The following OR5M8 variants were observed in gnomAD, a reference collection of about 807,000 sequenced individuals.
OR5M8 encodes the protein olfactory receptor family 5 subfamily M member 8, also known as olfactory receptor 5M8.
For synonymous variants in OR5M8, 163 were observed against 141.5 expected (o/e 1.15, Z -1.08); for missense variants, 445 against 379.3 (o/e 1.17, Z -1.44).
chr11:56,490,556 A>G lies in OR5M8; in HGVS notation c.815T>C (p.Met272Thr). The G allele has an allele frequency of 6.2e-7, 1 of 1,613,092 alleles. No homozygotes were observed. Among genetic ancestry groups the G allele is most frequent in the Non-Finnish European group, 8.5e-7 (1 of 1,179,060 alleles). The change falls in exon 1 of 1, where the codon ATG becomes ACG. Residue 272 changes from methionine (M) to threonine (T), a missense_variant. Transcript: ENST00000327216. ...PSKESVEQGK[M>T]VAVFYTTVIP... is the part of the protein sequence containing the mutation. The stretch of plus-strand genomic sequence containing the variant: ...TACTGTGGTATAAAATACAGCTACC[A>G]TTTTACCCTGTTCAACAGATTCCTT...
Position 56,490,539 on chromosome 11 carries a change from T to C in OR5M8, c.832A>G (p.Thr278Ala). ...AGGTTCAGCATAGGGATTACTGTGG[T>C]ATAAAATACAGCTACCATTTTACCC... ...EQGKMVAVFYTTVIPMLNLII... is the reference protein window; with the variant it reads ...EQGKMVAVFYATVIPMLNLII... The change falls in exon 1 of 1, where the codon ACC (threonine) becomes GCC (alanine). Residue 278 changes from threonine (T) to alanine (A), a missense_variant. Transcript: ENST00000327216. The C allele has an allele frequency of 6.2e-7, 1 of 1,608,348 alleles. No homozygotes were observed. The highest frequency in any genetic ancestry group is 1.3e-5 in the African/African-American group (1 of 74,902).
chr11:56,490,750 A>T lies in OR5M8; in HGVS notation c.621T>A (p.Ser207=). The change falls in exon 1 of 1, where the codon TCT becomes TCA. Residue 207 remains serine (S), a synonymous_variant. Coordinates refer to ENST00000327216, the MANE Select transcript of OR5M8 (RefSeq NM_001005282.1). ...AAATACATATGATGAAGAGAGAAAA[A>T]GAAAGGTTCCAGCCAGCCACAATAA... is the stretch of plus-strand genomic sequence containing the variant. ...SMFIVAGWNL[S]FSLFIICISY... is the part of the protein sequence containing the mutation. The T allele has an allele frequency of 6.2e-7, 1 of 1,614,218 alleles. No homozygotes were observed. Among genetic ancestry groups the T allele is most frequent in the Non-Finnish European group, 8.5e-7 (1 of 1,180,038 alleles).
At position 56,490,934 on chromosome 11, in the gene OR5M8, ACC is replaced by A. The variant is rs1853845547; in HGVS notation, c.435_436del (p.Val146AlafsTer26). On this transcript the variant is annotated frameshift_variant, in exon 1 of 1. Transcript: ENST00000327216. LOFTEE classifies it low-confidence loss of function (END_TRUNC). ...AGTGAGCGCTCCATACACATAAGGC[ACC>A]GTGATGAGGAAGGAGCACACACTCT... The A allele has an allele frequency of 6.2e-7, 1 of 1,613,842 alleles. No homozygotes were observed. Among genetic ancestry groups the A allele is most frequent in the South Asian group, 1.1e-5 (1 of 91,066 alleles).
chr11:56,490,941 T>G lies in OR5M8; in HGVS notation c.430A>C (p.Ile144Leu), dbSNP rs541775897. 6.2e-7 allele frequency: 1 copy of G among 1,613,882 alleles called. No individual in the cohort carries two copies. Among genetic ancestry groups the G allele is most frequent in the South Asian group, 1.1e-5 (1 of 91,054 alleles). The change falls in exon 1 of 1, where the codon ATC becomes CTC. Residue 144 changes from isoleucine to leucine, a missense_variant. By Grantham distance (5) the Ile-to-Leu change is conservative (BLOSUM62 2). Transcript: ENST00000327216. ...GCTCCATACACATAAGGCACCGTGA[T>G]GAGGAAGGAGCACACACTCTTGGAC... ...RMSKSVCSFLITVPYVYGALT... is the reference protein window; with the variant it reads ...RMSKSVCSFLLTVPYVYGALT...
In OR5M8 at chr11:56,491,353, C is replaced by T. The variant is rs137871700; in HGVS notation, c.18G>A (p.Thr6=). The change falls in exon 1 of 1, where the codon ACG becomes ACA. Residue 6 remains threonine (T), a synonymous_variant. Coordinates refer to ENST00000327216, the MANE Select transcript of OR5M8 (RefSeq NM_001005282.1). ...CCAGGAGAATGAACTCAGTCACCAACGTGCAGTTTCTTCTCATAATTTCCT... is the reference window on the plus strand; with the variant it reads ...CCAGGAGAATGAACTCAGTCACCAATGTGCAGTTTCTTCTCATAATTTCCT... MRRNC[T]LVTEFILLGL... is the part of the protein sequence containing the mutation. The T allele has an allele frequency of 4.7e-5, 74 of 1,585,186 alleles. No homozygotes were observed. In the African/African-American group the frequency reaches 9.0e-4, roughly 19 times the overall value.
At position 56,490,608 on chromosome 11, in the gene OR5M8, A is replaced by C. The variant is rs1853839161; in HGVS notation, c.763T>G (p.Phe255Val). Residue 255 changes from phenylalanine (F) to valine (V), a missense_variant, in exon 1 of 1, where the codon TTC becomes GTC. Physicochemically the swap from Phe to Val is conservative, Grantham distance 50. Transcript: ENST00000327216. ...TAVTIFYATL[F>V]FMYLRPPSKE... ...GAGGGGGGTCTGAGATACATGAAGA[A>C]AAGGGTTGCATAGAATATAGTGACA... 1 of 1,613,948 alleles carries C rather than the reference A, an allele frequency of 6.2e-7. No individual in the cohort carries two copies. The highest frequency in any genetic ancestry group is 8.5e-7 in the Non-Finnish European group (1 of 1,179,972).
rs557096002 is a variant in OR5M8 at position 56,490,843 on chromosome 11, G to C, written c.528C>G (p.Phe176Leu). The C allele has an allele frequency of 9.3e-6, 15 of 1,613,948 alleles. No individual in the cohort carries two copies. In the East Asian group the frequency reaches 2.5e-4, roughly 26 times the overall value. ...AFCGPNEINH[F>L]YCADPPLIKL... is the part of the protein sequence containing the mutation. ...TAATCAGTGGTGGGTCCGCACAGTA[G>C]AAGTGATTAATTTCATTGGGGCCAC... The change falls in exon 1 of 1, where the codon TTC (phenylalanine) becomes TTG (leucine). Residue 176 changes from phenylalanine to leucine, a missense_variant. Physicochemically the swap from Phe to Leu is conservative, Grantham distance 22. Transcript: ENST00000327216.
Position 56,490,712 on chromosome 11 carries a change from A to G in OR5M8, c.659T>C (p.Ile220Thr). 6.2e-7 allele frequency: 1 copy of G among 1,614,224 alleles called. No homozygotes were observed. Among genetic ancestry groups the G allele is most frequent in the Non-Finnish European group, 8.5e-7 (1 of 1,180,044 alleles). Reference sequence around the variant, plus strand: ...GCGAATCTTTAAAATAGCAGGGAAAATGTAAAGGTAGGAAATACATATGAT... The same window carrying G: ...GCGAATCTTTAAAATAGCAGGGAAAGTGTAAAGGTAGGAAATACATATGAT... ...LFIICISYLY[I>T]FPAILKIRST... is the part of the protein sequence containing the mutation. Residue 220 changes from isoleucine to threonine, a missense_variant, in exon 1 of 1, where the codon ATT becomes ACT. Ile to Thr is a moderately conservative substitution (Grantham distance 89, BLOSUM62 -1). Coordinates refer to ENST00000327216, the MANE Select transcript of OR5M8 (RefSeq NM_001005282.1).
rs1590912273 is a variant in OR5M8 at position 56,491,097 on chromosome 11, A to G, written c.274T>C (p.Ser92Pro). The change falls in exon 1 of 1, where the codon TCC (serine) becomes CCC (proline). Residue 92 changes from serine (S) to proline (P), a missense_variant. Transcript: ENST00000327216. ...EIFLSEKKSI[S>P]YPACLVQCYL... ...CACTGCACAAGACAGGCAGGATAGG[A>G]AATGCTTTTCTTCTCTGAAAGGAAA... 1 of 1,614,218 alleles carries G rather than the reference A, an allele frequency of 6.2e-7. No individual in the cohort carries two copies. The highest frequency in any genetic ancestry group is 8.5e-7 in the Non-Finnish European group (1 of 1,180,032).
In OR5M8 at chr11:56,491,326, TC is replaced by T. The variant is rs754918523; in HGVS notation, c.44del (p.Gly15AspfsTer2). ...TTTGTAATTCCCGGCGACTGGTCAG[TC>T]CCAGGAGAATGAACTCAGTCACCAA... is the stretch of plus-strand genomic sequence containing the variant. ...CTLVTEFILL[G>X]LTSRRELQIL... is the part of the protein sequence containing the mutation. On this transcript the variant is annotated frameshift_variant, in exon 1 of 1. Transcript: ENST00000327216. LOFTEE classifies it low-confidence loss of function (END_TRUNC). The T allele has an allele frequency of 2.5e-6, 4 of 1,607,874 alleles. No homozygotes were observed. The Admixed American group carries it at 6.8e-5, about 27-fold the overall frequency.
rs144775230 is a variant in OR5M8 at position 56,490,459 on chromosome 11, C to G, written c.912G>C (p.Leu304=). Reference sequence around the variant, plus strand: ...TTTAAGAAAAGTATATCTTCATTGACAGCTCTTTGATTAATGCTTCTTTTA... The same window carrying G: ...TTTAAGAAAAGTATATCTTCATTGAGAGCTCTTTGATTAATGCTTCTTTTA... ...KNVKEALIKE[L]SMKIYFS is the part of the protein sequence containing the mutation. Residue 304 remains leucine, a synonymous_variant, in exon 1 of 1, where the codon CTG becomes CTC. Coordinates refer to ENST00000327216, the MANE Select transcript of OR5M8 (RefSeq NM_001005282.1). 9.6e-6 allele frequency: 15 copies of G among 1,554,754 alleles called. No homozygotes were observed. In the African/African-American group the frequency reaches 1.9e-4, roughly 20 times the overall value.
chr11:56,490,939 G>A lies in OR5M8; in HGVS notation c.432C>T (p.Ile144=). The A allele has an allele frequency of 6.2e-7, 1 of 1,613,998 alleles. No homozygotes were observed. The highest frequency in any genetic ancestry group is 8.5e-7 in the Non-Finnish European group (1 of 1,179,934). Residue 144 remains isoleucine, a synonymous_variant, in exon 1 of 1, where the codon ATC becomes ATT. Coordinates refer to ENST00000327216, the MANE Select transcript of OR5M8 (RefSeq NM_001005282.1). ...RMSKSVCSFL[I]TVPYVYGALT... Reference sequence around the variant, plus strand: ...GCGCTCCATACACATAAGGCACCGTGATGAGGAAGGAGCACACACTCTTGG... The same window carrying A: ...GCGCTCCATACACATAAGGCACCGTAATGAGGAAGGAGCACACACTCTTGG...
At position 56,491,345 on chromosome 11, in the gene OR5M8, G is replaced by A; in HGVS notation, c.26C>T (p.Thr9Ile). MRRNCTLV[T>I]EFILLGLTSR... ...GGTCAGTCCCAGGAGAATGAACTCA[G>A]TCACCAACGTGCAGTTTCTTCTCAT... Residue 9 changes from threonine (T) to isoleucine (I), a missense_variant, in exon 1 of 1, where the codon ACT becomes ATT. By Grantham distance (89) the Thr-to-Ile change is moderately conservative. Transcript: ENST00000327216. The A allele has an allele frequency of 6.3e-7, 1 of 1,597,350 alleles. No homozygotes were observed.
rs1296364075 is a variant in OR5M8, at chr11:56,491,220, T to G, written c.151A>C (p.Asn51His). 1 of 1,614,148 alleles carries G rather than the reference T, an allele frequency of 6.2e-7. No homozygotes were observed. The highest frequency in any genetic ancestry group is 1.7e-5 in the Admixed American group (1 of 60,028). Residue 51 changes from asparagine (N) to histidine (H), a missense_variant, in exon 1 of 1, where the codon AAC (asparagine) becomes CAC (histidine). Coordinates refer to ENST00000327216, the MANE Select transcript of OR5M8 (RefSeq NM_001005282.1). ...TACATGGGCATGTGGAGCCAGGCGT[T>G]GGCCTGGATGAGGACAATCATGCCA... ...NLGMIVLIQA[N>H]AWLHMPMYFF...
rs1853838226 is a variant in OR5M8, at chr11:56,490,538, GTA to G, written c.831_832del (p.Thr278HisfsTer12). The G allele has an allele frequency of 6.2e-7, 1 of 1,607,936 alleles. No homozygotes were observed. Among genetic ancestry groups the G allele is most frequent in the Middle Eastern group, 1.7e-4 (1 of 6,052 alleles). On this transcript the variant is annotated frameshift_variant, in exon 1 of 1. Transcript: ENST00000327216. LOFTEE classifies it low-confidence loss of function (END_TRUNC). ...AAGGTTCAGCATAGGGATTACTGTG[GTA>G]TAAAATACAGCTACCATTTTACCCT...
chr11:56,491,249 T>C lies in OR5M8; in HGVS notation c.122A>G (p.Asn41Ser), dbSNP rs750183684. The C allele has an allele frequency of 6.2e-7, 1 of 1,613,952 alleles. No homozygotes were observed. The highest frequency in any genetic ancestry group is 1.1e-5 in the South Asian group (1 of 91,052). Residue 41 changes from asparagine to serine, a missense_variant, in exon 1 of 1, where the codon AAC becomes AGC. Coordinates refer to ENST00000327216, the MANE Select transcript of OR5M8 (RefSeq NM_001005282.1). Reference protein sequence around the residue: ...LAIYMVTVAGNLGMIVLIQAN... With the variant: ...LAIYMVTVAGSLGMIVLIQAN... ...CTGGATGAGGACAATCATGCCAAGG[T>C]TCCCTGCCACCGTGACCATGTAAAT... is the stretch of plus-strand genomic sequence containing the variant.
rs1853837686 is a variant in OR5M8 at position 56,490,503 on chromosome 11, T to G, written c.868A>C (p.Ser290Arg). Residue 290 changes from serine to arginine, a missense_variant, in exon 1 of 1, where the codon AGC becomes CGC. Ser to Arg is a moderately radical substitution (Grantham distance 110). Transcript: ENST00000327216. ...TCTTTTACATTTTTATTTCTAAGGCTATAAATTATAAGGTTCAGCATAGGG... is the reference window on the plus strand; with the variant it reads ...TCTTTTACATTTTTATTTCTAAGGCGATAAATTATAAGGTTCAGCATAGGG... ...VIPMLNLIIY[S>R]LRNKNVKEAL... 6.3e-7 allele frequency: 1 copy of G among 1,590,614 alleles called. No homozygotes were observed. Among genetic ancestry groups the G allele is most frequent in the Non-Finnish European group, 8.6e-7 (1 of 1,158,942 alleles).
rs574469545 is a variant in OR5M8 at position 56,490,937 on chromosome 11, G to A, written c.434C>T (p.Thr145Met). 84 of 1,613,946 alleles carry A rather than the reference G, an allele frequency of 5.2e-5. No homozygotes were observed. The highest frequency in any genetic ancestry group is 1.0e-4 in the Admixed American group (6 of 60,006). Reference protein sequence around the residue: ...MSKSVCSFLITVPYVYGALTG... With the variant: ...MSKSVCSFLIMVPYVYGALTG... ...GAGCGCTCCATACACATAAGGCACC[G>A]TGATGAGGAAGGAGCACACACTCTT... Residue 145 changes from threonine to methionine, a missense_variant, in exon 1 of 1, where the codon ACG (threonine) becomes ATG (methionine). Physicochemically the swap from Thr to Met is moderately conservative, Grantham distance 81. Coordinates refer to ENST00000327216, the MANE Select transcript of OR5M8 (RefSeq NM_001005282.1).
chr11:56,490,725 A>G lies in OR5M8; in HGVS notation c.646T>C (p.Ser216Pro), dbSNP rs1410612555. ...LSFSLFIICI[S>P]YLYIFPAILK... Reference sequence around the variant, plus strand: ...ATAGCAGGGAAAATGTAAAGGTAGGAAATACATATGATGAAGAGAGAAAAA... The same window carrying G: ...ATAGCAGGGAAAATGTAAAGGTAGGGAATACATATGATGAAGAGAGAAAAA... The change falls in exon 1 of 1, where the codon TCC becomes CCC. Residue 216 changes from serine (S) to proline (P), a missense_variant. Transcript: ENST00000327216. 1 of 1,614,236 alleles carries G rather than the reference A, an allele frequency of 6.2e-7. No homozygotes were observed. The highest frequency in any genetic ancestry group is 1.1e-5 in the South Asian group (1 of 91,086).
Sources: gnomAD v4.1 joint callset for allele counts on GRCh38, gnomAD v4.1.1 for gene constraint, MANE v1.5 for transcripts, NCBI Gene and HGNC (gene_info 2026-07-23, HGNC 2026-07-21) for gene names.